Variants in IGF2R observed in about 807,000 individuals in gnomAD.
The protein encoded by IGF2R is insulin like growth factor 2 receptor.
In IGF2R, 91 loss-of-function variants were observed where a neutral mutation model predicts 270.6. The observed-to-expected ratio is 0.34, with a 90% CI of 0.28 to 0.40. The LOEUF (loss-of-function observed/expected upper bound fraction) is 0.40, where lower values mean the gene tolerates loss of function less well. Among genes scored for constraint, IGF2R ranks in the 10% least tolerant of loss-of-function variants. The pLI, the probability that IGF2R is intolerant of heterozygous loss-of-function variation, is 1.00. For synonymous variants in IGF2R, 1,316 were observed against 1,258.9 expected, an observed-to-expected ratio of 1.05 and a Z score of -0.96; for missense variants, 2,805 against 3,188.3, an observed-to-expected ratio of 0.88 and a Z score of 2.90.
At chr6:160,008,807 G>A (rs1257310543) in intron 2 of IGF2R, among the ~76,000 whole-genome samples, 2 of 152,176 alleles carry the variant, frequency 1.3e-5, no homozygotes, top group Non-Finnish European at 2.9e-5. Flanking sequence ...TGTATAGAAT[G>A]CAGCAGACAA....
intron 8 of IGF2R, 62 bp downstream of exon 8, chr6:160,032,775 G>A (rs1339373945): frequency 1.8e-5 from 28 of 1,546,186 alleles, no homozygotes; most frequent in Non-Finnish European, 2.1e-5. Flanking sequence ...GAGAGGGAAC[G>A]GGACAGTAGG....
chr6:160,051,780 G>A (rs1237830953), intron 19 of IGF2R, among the ~76,000 whole-genome samples: 1 of 152,084 alleles, frequency 6.6e-6, no homozygotes, highest in East Asian at 1.9e-4. Context: ...GCAACATAGT[G>A]AGACCCCATC....
chr6:160,040,829 C>G (rs895615625), intron 11 of IGF2R, 105 bp downstream of exon 11: 1 of 1,120,538 alleles, frequency 8.9e-7, no homozygotes, highest in African/African-American at 1.5e-5. Context: ...CAGTGGGTTG[C>G]GTCACAGCCC....
At chr6:160,066,949 G>A (rs1415576725) in intron 29 of IGF2R, among the ~76,000 whole-genome samples, 1 of 152,158 alleles carries the variant, frequency 6.6e-6, no homozygotes, top group Non-Finnish European at 1.5e-5. Flanking sequence ...CTGCCACTCC[G>A]AGGTCTCCTT....
Position 160,089,265 on chromosome 6 carries a change from G to C in IGF2R, c.6467+12G>C, listed in dbSNP as rs762915535. On this transcript the variant is annotated intron_variant, in intron 43 of 47. Transcript: ENST00000356956. ...GATATTTATTTTAAGTAAGTAAAAC[G>C]TTTTCCTTCTGAGCTGTGAAATGTG... is the stretch of plus-strand genomic sequence containing the variant. 6.2e-6 allele frequency: 10 copies of C among 1,600,356 alleles called. No homozygotes were observed. In the Admixed American group the frequency reaches 8.5e-5, roughly 14 times the overall value.
chr6:160,043,075 A>G (rs1365102626), intron 11 of IGF2R, 73 bp from the exon 12 acceptor site: 5 of 1,528,032 alleles, frequency 3.3e-6, no homozygotes, highest in Admixed American at 1.8e-5. Context: ...CTTTTGGCTT[A>G]ATCACTATTT....
At chr6:160,088,647 G>A (rs1297779475) in intron 42 of IGF2R, among the ~76,000 whole-genome samples, 1 of 152,150 alleles carries the variant, frequency 6.6e-6, no homozygotes, top group Non-Finnish European at 1.5e-5. Flanking sequence ...CCTTCCAGAC[G>A]CTGAGTTTGG....
At position 160,050,499 on chromosome 6, in the gene IGF2R, C is replaced by T. The variant is rs759555671; in HGVS notation, c.2541C>T (p.Ile847=). ...GCTCCTTCACTGAAGTGGTTTCCAT[C>T]AGTAACTTGGGAATGGCAAAGACCG... The part of the protein sequence containing the change: ...DQGSFTEVVS[I]SNLGMAKTGP... The change falls in exon 19 of 48, where the codon ATC becomes ATT. Residue 847 remains isoleucine (I), a synonymous_variant. Transcript: ENST00000356956. This position sits in a 1 kb window ranked among gnomAD's most constrained non-coding sequence, Gnocchi z 4.0. 13 of 1,613,086 alleles carry T rather than the reference C, an allele frequency of 8.1e-6. No individual in the cohort carries two copies. The highest frequency in any genetic ancestry group is 1.0e-5 in the Non-Finnish European group (12 of 1,179,136).
rs370406231 is a variant in IGF2R at position 160,085,037 on chromosome 6, G to A, written c.6111G>A (p.Leu2037=). The A allele has an allele frequency of 6.2e-7, 1 of 1,613,986 alleles. No homozygotes were observed. Among genetic ancestry groups the A allele is most frequent in the African/African-American group, 1.3e-5 (1 of 74,986 alleles). ...NLCQKIYKGP[L]GCSERASICR... ...GCCAGAAAATATATAAAGGGCCCCTGGGCTGCTCTGAAAGGGCCAGCATTT... is the reference window on the plus strand; with the variant it reads ...GCCAGAAAATATATAAAGGGCCCCTAGGCTGCTCTGAAAGGGCCAGCATTT... Residue 2037 remains leucine (L), a synonymous_variant, in exon 41 of 48, where the codon CTG becomes CTA. Coordinates refer to ENST00000356956, the MANE Select transcript of IGF2R (RefSeq NM_000876.4).
chr6:159,969,502 C>T, intron 1 of IGF2R, 107 bp downstream of exon 1: 1 of 836,430 alleles, frequency 1.2e-6, no homozygotes, highest in Non-Finnish European at 1.5e-6. Flanking sequence ...CAAGTCGCCT[C>T]CGTTCCGCGC....
rs749732047 is a variant in IGF2R at position 160,064,549 on chromosome 6, G to C, written c.4017+18G>C. 2.5e-6 allele frequency: 4 copies of C among 1,613,030 alleles called. No homozygotes were observed. In the Admixed American group the frequency reaches 6.7e-5, roughly 27 times the overall value. ...CCCAGCGGGTGAGCATGTACCGACG[G>C]CCCTCAGCGGGGTCTTCTCCCCACC... On this transcript the variant is annotated intron_variant, in intron 28 of 47. Coordinates refer to ENST00000356956, the MANE Select transcript of IGF2R (RefSeq NM_000876.4).
At chr6:159,979,963 G>A (rs1783754029) in intron 1 of IGF2R, among the ~76,000 whole-genome samples, 1 of 152,100 alleles carries the variant, frequency 6.6e-6, no homozygotes, top group African/African-American at 2.4e-5. Context: ...AGGCCGAGGC[G>A]GGTGGATCAC....
chr6:159,978,561 GGAATGGGTGC>G (rs1281207886), intron 1 of IGF2R, among the ~76,000 whole-genome samples: 1 of 152,112 alleles, frequency 6.6e-6, no homozygotes, highest in Non-Finnish European at 1.5e-5. Flanking sequence ...GGAGGGTGGA[GGAATGGGTGC>G]TGTTGTAGGT....
chr6:160,048,354 C>G (rs748239115), intron 17 of IGF2R, 21 bp from the exon 18 acceptor site: 1 of 1,608,934 alleles, frequency 6.2e-7, no homozygotes, highest in African/African-American at 1.3e-5. Flanking sequence ...AAAGCATATA[C>G]ATTTTGCTTT....
chr6:160,029,787 G>T (rs1777654358), intron 7 of IGF2R, 132 bp downstream of exon 7: 2 of 626,364 alleles, frequency 3.2e-6, no homozygotes, highest in Non-Finnish European at 5.7e-6. Context: ...GGCACTGGTG[G>T]GTTCTCAGGA....
At chr6:160,033,183 C>A in intron 9 of IGF2R, 76 bp downstream of exon 9, 1 of 1,057,334 alleles carries the variant, frequency 9.5e-7, no homozygotes, top group Non-Finnish European at 1.4e-6. Flanking sequence ...GGCGCCCAGG[C>A]TAGACTGCAG....
intron 38 of IGF2R, 71 bp downstream of exon 38, chr6:160,079,858 A>G: frequency 1.5e-6 from 2 of 1,351,554 alleles, no homozygotes; most frequent in Non-Finnish European, 2.0e-6. Flanking sequence ...AGCAGCAGAA[A>G]GAAGCTGCGG....
At chr6:160,103,703 C>A in intron 46 of IGF2R, 43 bp from the exon 47 acceptor site, 1 of 1,448,468 alleles carries the variant, frequency 6.9e-7, no homozygotes, top group Non-Finnish European at 9.7e-7. Flanking sequence ...CTGCCCATGC[C>A]CTCTCTACAC....
At position 160,104,922 on chromosome 6, in the gene IGF2R, A is replaced by G. The variant is rs145985029; in HGVS notation, c.7314A>G (p.Ala2438=). ...GAESSHPVRN[A]QSNALQERED... ...AGAGCTCCCACCCAGTGAGAAACGC[A>G]CAGAGCAATGCCCTTCAGGAGCGTG... Residue 2438 remains alanine, a synonymous_variant, in exon 48 of 48, where the codon GCA becomes GCG. Transcript: ENST00000356956. The G allele has an allele frequency of 9.9e-6, 16 of 1,614,166 alleles. No homozygotes were observed. In the African/African-American group the frequency reaches 1.2e-4, roughly 12 times the overall value.
Sources: allele counts gnomAD v4.1 joint callset (sites outside exome capture counted in the v4.1 genomes callset), GRCh38; gene constraint gnomAD v4.1.1; non-coding constraint Gnocchi (gnomAD v3.1); transcripts MANE v1.5; gene names NCBI Gene and HGNC (gene_info 2026-07-23, HGNC 2026-07-21).